Variants in RAB3C observed in about 807,000 individuals in gnomAD.
RAB3C encodes RAB3C, member RAS oncogene family.
RAB3C carries 17 observed loss-of-function variants against 26.4 expected under a neutral mutation model. The ratio of observed to expected loss-of-function variants is 0.64; its 90% CI spans 0.44 to 0.97. RAB3C has a LOEUF of 0.97. Among genes scored for constraint, RAB3C ranks in the 50% least tolerant of loss-of-function variants. RAB3C has a pLI of 0.00. For synonymous variants in RAB3C, 91 were observed against 95.9 expected (o/e 0.95, Z 0.30); for missense variants, 242 against 281.9 (o/e 0.86, Z 1.01).
At chr5:58,688,395 C>T (rs531553749) in intron 2 of RAB3C, among the ~76,000 whole-genome samples, 1 of 152,102 alleles carries the variant, frequency 6.6e-6, no homozygotes, top group Non-Finnish European at 1.5e-5. Flanking sequence ...AAAGACAACT[C>T]TAAATTGCAT....
intron 3 of RAB3C, among the ~76,000 whole-genome samples, chr5:58,729,133 C>T (rs887202828): frequency 6.6e-5 from 10 of 151,996 alleles, no homozygotes; most frequent in East Asian, 5.8e-4. Flanking sequence ...CTGCAGATCA[C>T]GTAAGACCTA....
intron 2 of RAB3C, among the ~76,000 whole-genome samples, chr5:58,678,506 G>GA (rs924613759): frequency 5.9e-5 from 9 of 151,986 alleles, no homozygotes; most frequent in Admixed American, 5.2e-4. Context: ...AAAGTCATTA[G>GA]AAAAAAATAT....
intron 2 of RAB3C, among the ~76,000 whole-genome samples, chr5:58,707,988 CTTT>C (rs35213627): frequency 7.0e-6 from 1 of 142,564 alleles, no homozygotes; most frequent in Non-Finnish European, 1.5e-5. Context: ...TCTTTCTTTC[CTTT>C]TTTTTTTTTT....
In RAB3C at chr5:58,617,685, T is replaced by C. The variant is rs1375829468; in HGVS notation, c.67T>C (p.Ser23Pro). Residue 23 changes from serine (S) to proline (P), a missense_variant, in exon 2 of 5, where the codon TCT (serine) becomes CCT (proline). Physicochemically the swap from Ser to Pro is moderately conservative, Grantham distance 74 (BLOSUM62 -1). Transcript: ENST00000282878. ...QDARYGQKDSSDQNFDYMFKL... is the reference protein window; with the variant it reads ...QDARYGQKDSPDQNFDYMFKL... ...TGCCAGGTACGGCCAGAAAGACTCC[T>C]CTGATCAGAACTTTGACTACATGTT... is the stretch of plus-strand genomic sequence containing the variant. 1 of 1,613,998 alleles carries C rather than the reference T, an allele frequency of 6.2e-7. No individual in the cohort carries two copies. The highest frequency in any genetic ancestry group is 8.5e-7 in the Non-Finnish European group (1 of 1,179,894).
At position 58,624,674 on chromosome 5, in the gene RAB3C, T is replaced by C. The variant is rs371926241; in HGVS notation, c.252+6804T>C. Reference sequence around the variant, plus strand: ...GGGACTGACAGACACATGTGGGAGATGGGAAACATTGACAACTAGTACCAA... The same window carrying C: ...GGGACTGACAGACACATGTGGGAGACGGGAAACATTGACAACTAGTACCAA... On this transcript the variant is annotated intron_variant, in intron 2 of 4. Transcript: ENST00000282878. 4.6e-5 allele frequency among the ~76,000 whole-genome samples: 7 copies of C among 152,140 alleles called. No individual in the cohort carries two copies. The South Asian group carries it at 1.0e-3, about 23-fold the overall frequency.
intron 3 of RAB3C, among the ~76,000 whole-genome samples, chr5:58,745,060 C>T (rs139983262): frequency 6.6e-6 from 1 of 152,070 alleles, no homozygotes; most frequent in Admixed American, 6.5e-5. Flanking sequence ...TTCATGTCAC[C>T]CTCTGATTTT....
At chr5:58,836,980 C>T (rs1743762472) in intron 4 of RAB3C, among the ~76,000 whole-genome samples, 2 of 152,126 alleles carry the variant, frequency 1.3e-5, no homozygotes, top group African/African-American at 4.8e-5. Context: ...AGTGGTTATA[C>T]TAGTTTACAT....
Position 58,693,336 on chromosome 5 carries a change from G to GTATATATATATA in RAB3C, c.253-32651_253-32640dup, listed in dbSNP as rs61291213. ...AAATTAAGAAATTATATATATATGT[G>GTATATATATATA]TATATATATATATATATATATATAT... is the stretch of plus-strand genomic sequence containing the variant. On this transcript the variant is annotated intron_variant, in intron 2 of 4. Coordinates refer to ENST00000282878, the MANE Select transcript of RAB3C (RefSeq NM_138453.4). Among the ~76,000 whole-genome samples, 6 of 111,772 alleles carry GTATATATATATA rather than the reference G, an allele frequency of 5.4e-5. 1 individual carries two copies. Among genetic ancestry groups the GTATATATATATA allele is most frequent in the African/African-American group, 2.2e-4 (6 of 26,806 alleles). 73.3% of individuals were successfully genotyped at this position (111,772 alleles called of 152,430 possible).
At chr5:58,594,476 A>C (rs535956351) in intron 1 of RAB3C, among the ~76,000 whole-genome samples, 66 of 152,308 alleles carry the variant, frequency 4.3e-4, no homozygotes, top group African/African-American at 1.5e-3. Flanking sequence ...GTAGCTTTTG[A>C]ATGGAAAGCA....
At chr5:58,620,285 T>C (rs57083630) in intron 2 of RAB3C, among the ~76,000 whole-genome samples, 2,287 of 152,274 alleles carry the variant, frequency 0.015, 63 homozygotes, top group African/African-American at 0.053. Flanking sequence ...TTCTTCCTCT[T>C]TAGGTACATT....
chr5:58,656,903 G>A (rs1747784310), intron 2 of RAB3C, among the ~76,000 whole-genome samples: 1 of 152,192 alleles, frequency 6.6e-6, no homozygotes, highest in Non-Finnish European at 1.5e-5. Context: ...CAGAGGAAAA[G>A]AAGTCATTAT....
At chr5:58,626,006 A>G (rs1579824070) in intron 2 of RAB3C, among the ~76,000 whole-genome samples, 1 of 152,280 alleles carries the variant, frequency 6.6e-6, no homozygotes, top group Admixed American at 6.5e-5. Context: ...TATGTGCTGC[A>G]CATTTGTTTA....
chr5:58,719,121 G>A (rs1740681258), intron 2 of RAB3C, among the ~76,000 whole-genome samples: 1 of 151,788 alleles, frequency 6.6e-6, no homozygotes, highest in African/African-American at 2.4e-5. Flanking sequence ...CATTTTTCTG[G>A]AACAGTATCT....
chr5:58,824,178 A>G (rs951460761), intron 3 of RAB3C, among the ~76,000 whole-genome samples: 1 of 152,128 alleles, frequency 6.6e-6, no homozygotes, highest in African/African-American at 2.4e-5. Context: ...TAGTGTCGCA[A>G]TAAACATACG....
chr5:58,717,679 T>C (rs1385923523), intron 2 of RAB3C, among the ~76,000 whole-genome samples: 1 of 152,110 alleles, frequency 6.6e-6, no homozygotes, highest in Non-Finnish European at 1.5e-5. Context: ...GATGGCTTAA[T>C]GGCAAAACGT....
intron 3 of RAB3C, among the ~76,000 whole-genome samples, chr5:58,746,573 C>T (rs942021567): frequency 6.6e-6 from 1 of 152,122 alleles, no homozygotes; most frequent in African/African-American, 2.4e-5. Context: ...CACTACACAT[C>T]GATGTGATTC....
chr5:58,628,237 A>G (rs1288147348), intron 2 of RAB3C, among the ~76,000 whole-genome samples: 3 of 151,942 alleles, frequency 2.0e-5, no homozygotes, highest in Non-Finnish European at 2.9e-5. Flanking sequence ...TACAAAGGAG[A>G]CATAAAATAA....
intron 2 of RAB3C, among the ~76,000 whole-genome samples, chr5:58,653,078 C>T (rs564860024): frequency 4.6e-5 from 7 of 152,218 alleles, no homozygotes; most frequent in Admixed American, 1.3e-4. Context: ...CCCATCAACC[C>T]GTCATCTACT....
chr5:58,593,479 T>C (rs6896790), intron 1 of RAB3C, among the ~76,000 whole-genome samples: 66,318 of 151,998 alleles, frequency 0.44, 15,281 homozygotes, highest in Non-Finnish European at 0.53. Flanking sequence ...AAAATACTTA[T>C]GTTTACATTT....
Sources: allele counts gnomAD v4.1 joint callset (sites outside exome capture counted in the v4.1 genomes callset), GRCh38; gene constraint gnomAD v4.1.1; transcripts MANE v1.5; gene names NCBI Gene and HGNC (gene_info 2026-07-23, HGNC 2026-07-21).